The following NWD2 variants were observed in gnomAD, a reference collection of about 807,000 sequenced individuals.
NWD2 encodes NACHT and WD repeat domain-containing protein 2.
In NWD2, 37 loss-of-function variants were observed where a neutral mutation model predicts 132.7. The ratio of observed to expected loss-of-function variants is 0.28; its 90% CI spans 0.21 to 0.37. NWD2 has a LOEUF of 0.37. Among genes scored for constraint, NWD2 ranks in the 10% least tolerant of loss-of-function variants. The probability of loss-of-function intolerance (pLI) is 1.00; values close to 1 mark genes in which losing one functional copy is unlikely to be tolerated. For synonymous variants in NWD2, 705 were observed against 803.0 expected, an observed-to-expected ratio of 0.88 and a Z score of 2.06; for missense variants, 1,592 against 2,122.4, an observed-to-expected ratio of 0.75 and a Z score of 4.91.
In NWD2 at chr4:37,244,820, G is replaced by A. The variant is rs1717194676; in HGVS notation, c.-248G>A. 3 of 491,124 alleles carry A rather than the reference G, an allele frequency of 6.1e-6. No homozygotes were observed. Among genetic ancestry groups the A allele is most frequent in the African/African-American group, 4.1e-5 (2 of 48,384 alleles). The allele number at this position is 491,124 out of a possible 1,614,324, so 30.4% of individuals were successfully genotyped here. A position where few individuals can be genotyped will look rare whatever the true frequency, so the allele number is the denominator to read the frequency against. The stretch of plus-strand genomic sequence containing the variant: ...GCTGCTGCTCGGAGCCCTAGCAGCG[G>A]GCGAAGGCGGAGGCCCAGAAGGGCA... On this transcript the variant is annotated 5_prime_UTR_variant, in exon 1 of 7. Transcript: ENST00000309447. This position sits in a 1 kb window ranked among gnomAD's most constrained non-coding sequence, Gnocchi z 5.5.
At chr4:37,408,202 G>T (rs1156580370) in intron 3 of NWD2, among the ~76,000 whole-genome samples, 2 of 152,048 alleles carry the variant, frequency 1.3e-5, no homozygotes, top group South Asian at 4.2e-4. Context: ...CTGGAAAAGG[G>T]TGCTGAAGCC....
At chr4:37,327,890 T>C (rs17575890) in intron 2 of NWD2, among the ~76,000 whole-genome samples, 47,901 of 151,918 alleles carry the variant, frequency 0.32, 7,740 homozygotes, top group East Asian at 0.44. Context: ...CCAGAACATA[T>C]GGTTTCCTAG....
At chr4:37,337,615 G>A (rs187094730) in intron 2 of NWD2, among the ~76,000 whole-genome samples, 1 of 152,166 alleles carries the variant, frequency 6.6e-6, no homozygotes, top group Non-Finnish European at 1.5e-5. Flanking sequence ...TCATTGCTGA[G>A]GTTCCATCTC....
intron 1 of NWD2, among the ~76,000 whole-genome samples, chr4:37,283,213 G>C (rs1440223861): frequency 6.6e-6 from 1 of 152,096 alleles, no homozygotes. Flanking sequence ...ATTCATATTG[G>C]TAATATTTTA....
chr4:37,308,836 A>G (rs1718769025), intron 1 of NWD2, among the ~76,000 whole-genome samples: 1 of 152,130 alleles, frequency 6.6e-6, no homozygotes, highest in Admixed American at 6.5e-5. Flanking sequence ...TCAGGCTTCT[A>G]AGGGGAATGC....
At chr4:37,375,480 C>A (rs894062291) in intron 3 of NWD2, among the ~76,000 whole-genome samples, 1 of 151,884 alleles carries the variant, frequency 6.6e-6, no homozygotes, top group Non-Finnish European at 1.5e-5. Flanking sequence ...AAGAGACTGA[C>A]ACATAGAAAG....
intron 1 of NWD2, among the ~76,000 whole-genome samples, chr4:37,324,377 T>A (rs1719130454): frequency 6.6e-6 from 1 of 152,136 alleles, no homozygotes; most frequent in Admixed American, 6.6e-5. Context: ...TATCTGCCAG[T>A]ATTTGTTTCT....
intron 1 of NWD2, among the ~76,000 whole-genome samples, chr4:37,308,063 G>A (rs762377574): frequency 1.3e-5 from 2 of 151,908 alleles, no homozygotes; most frequent in Non-Finnish European, 2.9e-5. Flanking sequence ...AGTTCCCTAA[G>A]GTCATTATTT....
intron 1 of NWD2, among the ~76,000 whole-genome samples, chr4:37,266,518 GAGA>G (rs1717755423): frequency 6.6e-6 from 1 of 152,064 alleles, no homozygotes; most frequent in African/African-American, 2.4e-5. Flanking sequence ...GAAATTCTGA[GAGA>G]AGGACTCTGA....
At chr4:37,337,404 C>G (rs1010094813) in intron 2 of NWD2, among the ~76,000 whole-genome samples, 15 of 152,192 alleles carry the variant, frequency 9.9e-5, no homozygotes, top group Non-Finnish European at 2.1e-4. Flanking sequence ...TTCCTTCCCT[C>G]TAAGAGGCAA....
intron 5 of NWD2, among the ~76,000 whole-genome samples, chr4:37,436,099 C>G (rs1712314571): frequency 6.6e-6 from 1 of 151,670 alleles, no homozygotes; most frequent in African/African-American, 2.4e-5. Context: ...CTGAGAACAT[C>G]AAAACTCAGT....
intron 3 of NWD2, among the ~76,000 whole-genome samples, chr4:37,364,041 A>G (rs1311288566): frequency 1.3e-5 from 2 of 151,970 alleles, no homozygotes; most frequent in Non-Finnish European, 2.9e-5. Context: ...CTGAGGCAGG[A>G]GAATTGCTTG....
chr4:37,349,095 G>A lies in NWD2; in HGVS notation c.241-7271G>A, dbSNP rs191427326. On this transcript the variant is annotated intron_variant, in intron 2 of 6. Coordinates refer to ENST00000309447, the MANE Select transcript of NWD2 (RefSeq NM_001144990.2). ...TCCAGTCTATCACTGATGGGCATTC[G>A]GGTTGGTTCCAAGTCTTTGCTATTG... 1.5e-4 allele frequency among the ~76,000 whole-genome samples: 23 copies of A among 152,080 alleles called. No homozygotes were observed. The East Asian group carries it at 4.1e-3, about 27-fold the overall frequency.
At chr4:37,397,809 C>CTCTT (rs773233256) in intron 3 of NWD2, among the ~76,000 whole-genome samples, 29 of 151,654 alleles carry the variant, frequency 1.9e-4, no homozygotes, top group Non-Finnish European at 3.2e-4. Flanking sequence ...CTCTCTCTCT[C>CTCTT]TCTTTCTCCC....
intron 1 of NWD2, among the ~76,000 whole-genome samples, chr4:37,304,341 C>T (rs1718666560): frequency 6.6e-6 from 1 of 152,114 alleles, no homozygotes; most frequent in Non-Finnish European, 1.5e-5. Flanking sequence ...GGTGGAGACA[C>T]AGAGCCAAAC....
chr4:37,388,940 C>A (rs1352692629), intron 3 of NWD2, among the ~76,000 whole-genome samples: 1 of 151,208 alleles, frequency 6.6e-6, no homozygotes, highest in Non-Finnish European at 1.5e-5. Context: ...ATGATGGTGT[C>A]TACGCCTAGT....
Position 37,437,791 on chromosome 4 carries a change from A to G in NWD2, c.707-1010A>G, listed in dbSNP as rs563848300. On this transcript the variant is annotated intron_variant, in intron 5 of 6. Coordinates refer to ENST00000309447, the MANE Select transcript of NWD2 (RefSeq NM_001144990.2). Reference sequence around the variant, plus strand: ...CTTATGGGGACACAAATTATTTATAATATATATGTACTTGTGTGCAAGCAT... The same window carrying G: ...CTTATGGGGACACAAATTATTTATAGTATATATGTACTTGTGTGCAAGCAT... Among the ~76,000 whole-genome samples, 9 of 152,320 alleles carry G rather than the reference A, an allele frequency of 5.9e-5. No homozygotes were observed. The South Asian group carries it at 1.9e-3, about 32-fold the overall frequency.
intron 3 of NWD2, among the ~76,000 whole-genome samples, chr4:37,403,865 A>C (rs561606320): frequency 9.9e-5 from 15 of 152,244 alleles, no homozygotes; most frequent in Non-Finnish European, 8.8e-5. Flanking sequence ...ATGTACATTA[A>C]AATGAAAGCT....
chr4:37,343,550 T>C (rs760774020), intron 2 of NWD2, among the ~76,000 whole-genome samples: 15 of 152,194 alleles, frequency 9.9e-5, no homozygotes, highest in Non-Finnish European at 1.8e-4. Flanking sequence ...TTGGAATAAA[T>C]GTGTAGCCTT....
Sources: gnomAD v4.1 joint callset for allele counts (sites outside exome capture counted in the v4.1 genomes callset) on GRCh38, gnomAD v4.1.1 for gene constraint, Gnocchi (gnomAD v3.1) non-coding constraint, MANE v1.5 for transcripts, NCBI Gene and HGNC (gene_info 2026-07-23, HGNC 2026-07-21) for gene names.